Variants in KIF16B observed in about 807,000 individuals in gnomAD.
KIF16B encodes the protein kinesin-like protein KIF16B.
KIF16B carries 98 observed loss-of-function variants against 156.3 expected under a neutral mutation model. That is an observed-to-expected ratio of 0.63 (90% CI 0.53 to 0.74). The LOEUF is 0.74. KIF16B is among the 30% of genes least tolerant of loss of function. KIF16B has a pLI of 0.00. For synonymous variants in KIF16B, 564 were observed against 583.7 expected, an observed-to-expected ratio of 0.97 and a Z score of 0.49; for missense variants, 1,421 against 1,606.5, an observed-to-expected ratio of 0.88 and a Z score of 1.97.
intron 24 of KIF16B, among the ~76,000 whole-genome samples, chr20:16,325,152 T>C (rs2063825699): frequency 6.6e-6 from 1 of 151,850 alleles, no homozygotes; most frequent in African/African-American, 2.4e-5. Flanking sequence ...GGACACACCT[T>C]AAGTTAGTAA....
chr20:16,546,968 G>C (rs370541402), intron 1 of KIF16B, among the ~76,000 whole-genome samples: 1 of 151,978 alleles, frequency 6.6e-6, no homozygotes, highest in African/African-American at 2.4e-5. Context: ...GTAGAGACAG[G>C]GTTTTGCCAT....
intron 24 of KIF16B, among the ~76,000 whole-genome samples, chr20:16,317,697 G>A (rs960901592): frequency 6.6e-6 from 1 of 152,184 alleles, no homozygotes; most frequent in African/African-American, 2.4e-5. Context: ...CTGGGAAACC[G>A]CCACAGCTCA....
At chr20:16,314,463 C>T (rs541046767) in intron 24 of KIF16B, among the ~76,000 whole-genome samples, 27 of 152,256 alleles carry the variant, frequency 1.8e-4, no homozygotes, top group African/African-American at 6.3e-4. Flanking sequence ...ATGGGTTTCC[C>T]CATCTCTGTT....
chr20:16,344,931 C>T (rs2123048434), intron 23 of KIF16B, among the ~76,000 whole-genome samples: 1 of 152,268 alleles, frequency 6.6e-6, no homozygotes, highest in South Asian at 2.1e-4. Context: ...TCTTCATCCT[C>T]ACTTAATTTT....
At chr20:16,309,505 T>C (rs147035889) in intron 25 of KIF16B, among the ~76,000 whole-genome samples, 218 of 152,330 alleles carry the variant, frequency 1.4e-3, no homozygotes, top group African/African-American at 5.0e-3. Context: ...TTTCTAAAAA[T>C]AAATATTTTA....
intron 15 of KIF16B, among the ~76,000 whole-genome samples, chr20:16,422,096 TTAA>T (rs2066240848): frequency 6.6e-6 from 1 of 152,104 alleles, no homozygotes; most frequent in South Asian, 2.1e-4. Flanking sequence ...CAAAAACCAC[TTAA>T]TAAAAATACT....
At chr20:16,461,644 T>C (rs973462579) in intron 12 of KIF16B, among the ~76,000 whole-genome samples, 11 of 152,352 alleles carry the variant, frequency 7.2e-5, no homozygotes, top group Admixed American at 3.9e-4. Flanking sequence ...GATTTCTTAA[T>C]GGAATACTGA....
At chr20:16,527,448 G>C (rs2069588127) in intron 2 of KIF16B, among the ~76,000 whole-genome samples, 1 of 152,244 alleles carries the variant, frequency 6.6e-6, no homozygotes. Context: ...GATGTGAACA[G>C]GAGATAGATC....
intron 25 of KIF16B, among the ~76,000 whole-genome samples, chr20:16,293,332 AC>A (rs2063339401): frequency 6.6e-6 from 1 of 152,190 alleles, no homozygotes; most frequent in South Asian, 2.1e-4. Context: ...TAGGTCACAT[AC>A]AAAAGATCAA....
intron 1 of KIF16B, among the ~76,000 whole-genome samples, chr20:16,532,434 T>C (rs187533867): frequency 1.7e-4 from 26 of 152,292 alleles, no homozygotes; most frequent in African/African-American, 5.8e-4. Flanking sequence ...GAAAAATGCT[T>C]CCACTCCAAC....
chr20:16,513,901 A>G (rs1005685752), intron 4 of KIF16B, among the ~76,000 whole-genome samples: 3 of 152,154 alleles, frequency 2.0e-5, no homozygotes, highest in Non-Finnish European at 2.9e-5. Flanking sequence ...TGCTTTATTC[A>G]CATGTTCCCT....
At position 16,573,408 on chromosome 20, in the gene KIF16B, T is replaced by G; in HGVS notation, c.-133A>C. The G allele has an allele frequency of 4.0e-6, 4 of 1,004,408 alleles. No individual in the cohort carries two copies. The highest frequency in any genetic ancestry group is 2.7e-5 in the East Asian group (1 of 36,440). The allele number at this position is 1,004,408 out of a possible 1,614,324, so 62.2% of individuals were successfully genotyped here. On this transcript the variant is annotated 5_prime_UTR_variant, in exon 1 of 26. Transcript: ENST00000354981. ...CCGCCCCTCTGCTCCCGGCCGGACC[T>G]GGAGTTCCGCGGCAGCCCCACCTGC...
chr20:16,288,902 T>G (rs117159428), intron 25 of KIF16B, among the ~76,000 whole-genome samples: 3,698 of 144,398 alleles, frequency 0.026, 26 homozygotes, highest in Middle Eastern at 0.025. Context: ...GGCGATGGGT[T>G]TATTGGGATC....
At position 16,537,693 on chromosome 20, in the gene KIF16B, T is replaced by C. The variant is rs142308208; in HGVS notation, c.48-9253A>G. On this transcript the variant is annotated intron_variant, in intron 1 of 25. Coordinates refer to ENST00000354981, the MANE Select transcript of KIF16B (RefSeq NM_024704.5). The stretch of plus-strand genomic sequence containing the variant: ...CCACCCACATGTTCTTTTTCTTTTT[T>C]TCTTTTTTTCGTTTTTTTTTTTTTT... 2.9e-3 allele frequency among the ~76,000 whole-genome samples: 429 copies of C among 148,008 alleles called. 4 individuals carry two copies. Among genetic ancestry groups the C allele is most frequent in the African/African-American group, 0.01 (417 of 40,256 alleles).
At chr20:16,343,031 A>G (rs2064167747) in intron 23 of KIF16B, among the ~76,000 whole-genome samples, 1 of 152,208 alleles carries the variant, frequency 6.6e-6, no homozygotes, top group Non-Finnish European at 1.5e-5. Flanking sequence ...GCTGATGCAG[A>G]GGGGAGGAAC....
intron 17 of KIF16B, among the ~76,000 whole-genome samples, chr20:16,388,968 G>A (rs2146144290): frequency 6.6e-6 from 1 of 152,292 alleles, no homozygotes; most frequent in South Asian, 2.1e-4. Context: ...TGCAGTGCGG[G>A]TAGATAGGGA....
rs1469949912 is a variant in KIF16B, at chr20:16,511,544, A to T, written c.447-17T>A. 1 of 1,494,810 alleles carries T rather than the reference A, an allele frequency of 6.7e-7. No homozygotes were observed. Among genetic ancestry groups the T allele is most frequent in the Non-Finnish European group, 9.3e-7 (1 of 1,077,806 alleles). 92.6% of individuals were successfully genotyped at this position (1,494,810 alleles called of 1,614,324 possible). A position where few individuals can be genotyped will look rare whatever the true frequency, so the allele number is the denominator to read the frequency against. On this transcript the variant is annotated splice_polypyrimidine_tract_variant and intron_variant, in intron 5 of 25. Transcript: ENST00000354981. ...TCTAAGTAGCTAAAAATTTAAAATA[A>T]AATTGAATTCAGAAAAATGATTTCA...
intron 25 of KIF16B, among the ~76,000 whole-genome samples, chr20:16,294,487 C>G (rs184462675): frequency 3.3e-5 from 5 of 152,342 alleles, no homozygotes; most frequent in Admixed American, 6.5e-5. Context: ...CTTTGAGAGA[C>G]ACAGAGCACG....
rs2065738204 is a variant in KIF16B, at chr20:16,404,759, A to C, written c.1784+54T>G. The C allele has an allele frequency of 2.2e-6, 3 of 1,366,396 alleles. No individual in the cohort carries two copies. In the African/African-American group the frequency reaches 4.3e-5, roughly 20 times the overall value. The allele number at this position is 1,366,396 out of a possible 1,614,324, so 84.6% of individuals were successfully genotyped here. On this transcript the variant is annotated intron_variant, in intron 17 of 25. Coordinates refer to ENST00000354981, the MANE Select transcript of KIF16B (RefSeq NM_024704.5). ...ACCTTGTGACTATAATGGAGTTGGC[A>C]CAATAAATGCAAAAGTGATCATCAC...
Sources: allele counts gnomAD v4.1 joint callset (sites outside exome capture counted in the v4.1 genomes callset), GRCh38; gene constraint gnomAD v4.1.1; transcripts MANE v1.5; gene names NCBI Gene and HGNC (gene_info 2026-07-23, HGNC 2026-07-21).